PACSIN2: variants seen among roughly 807,000 people sequenced by gnomAD.
The protein encoded by PACSIN2 is protein kinase C and casein kinase substrate in neurons protein 2.
In PACSIN2, 25 loss-of-function variants were observed where a neutral mutation model predicts 63.8. That is an observed-to-expected ratio of 0.39 (90% CI 0.29 to 0.55). The LOEUF is 0.55. PACSIN2 is among the 20% of genes least tolerant of loss of function. The pLI is 0.62. For missense variants in PACSIN2, 518 were observed against 646.9 expected (o/e 0.80, Z 2.16); for synonymous variants, 255 against 256.2 (o/e 1.00, Z 0.05).
At chr22:42,952,089 A>G (rs1350204591) in intron 1 of PACSIN2, among the ~76,000 whole-genome samples, 1 of 152,112 alleles carries the variant, frequency 6.6e-6, no homozygotes, top group Non-Finnish European at 1.5e-5. Flanking sequence ...CTTAACACTC[A>G]ACCTCACCTG....
rs1478422057 is a variant in PACSIN2, at chr22:42,893,529, C to A, written c.145G>T (p.Ala49Ser). 1.9e-6 allele frequency: 3 copies of A among 1,614,000 alleles called. No homozygotes were observed. The highest frequency in any genetic ancestry group is 2.5e-6 in the Non-Finnish European group (3 of 1,180,048). ...SDLMNCLHER[A>S]RIEKAYAQQL... ...TGCGCATACGCCTTCTCGATGCGCG[C>A]CCGCTCATGCAGGCAGTTCATGAGG... Residue 49 changes from alanine (A) to serine (S), a missense_variant, in exon 3 of 11, where the codon GCG (alanine) becomes TCG (serine). Transcript: ENST00000263246.
At chr22:42,906,675 G>C (rs1430226226) in intron 2 of PACSIN2, among the ~76,000 whole-genome samples, 4 of 152,148 alleles carry the variant, frequency 2.6e-5, no homozygotes, top group Non-Finnish European at 5.9e-5. Flanking sequence ...TCCTGAAAAA[G>C]GTAGGTATAC....
intron 1 of PACSIN2, among the ~76,000 whole-genome samples, chr22:42,964,412 C>T (rs1050272649): frequency 8.6e-5 from 10 of 115,794 alleles, no homozygotes; most frequent in African/African-American, 3.5e-4. Flanking sequence ...AGCGAGACTC[C>T]GTCTGGAAAA....
chr22:42,910,999 G>A (rs1241991032), intron 2 of PACSIN2, among the ~76,000 whole-genome samples: 4 of 151,878 alleles, frequency 2.6e-5, no homozygotes, highest in African/African-American at 7.3e-5. Context: ...CCGCCTCCCG[G>A]GTTCATGCCA....
intron 1 of PACSIN2, among the ~76,000 whole-genome samples, chr22:42,952,151 C>T (rs1229554291): frequency 6.6e-6 from 1 of 152,124 alleles, no homozygotes; most frequent in African/African-American, 2.4e-5. Flanking sequence ...CCTTATGCAC[C>T]AGGATTTTGC....
At position 42,893,465 on chromosome 22, in the gene PACSIN2, A is replaced by T. The variant is rs761434727; in HGVS notation, c.209T>A (p.Val70Glu). 1 of 1,612,610 alleles carries T rather than the reference A, an allele frequency of 6.2e-7. No homozygotes were observed. ...TEWARRWRQL[V>E]EKGPQYGTVE... ...GTGCCGGGGCCCCATACCTTTCTCC[A>T]CGAGCTGCCTCCAGCGCCGGGCCCA... is the stretch of plus-strand genomic sequence containing the variant. The change falls in exon 3 of 11, where the codon GTG (valine) becomes GAG (glutamate). Residue 70 changes from valine (V) to glutamate (E), a missense_variant. By Grantham distance (121) the Val-to-Glu change is moderately radical. This residue lies in a region of PACSIN2 where 507 missense variants were observed against 612.3 expected (regional missense o/e 0.83). Coordinates refer to ENST00000263246, the MANE Select transcript of PACSIN2 (RefSeq NM_001184970.3).
At chr22:42,891,993 G>A (rs2146672524) in intron 3 of PACSIN2, among the ~76,000 whole-genome samples, 1 of 152,334 alleles carries the variant, frequency 6.6e-6, no homozygotes, top group Admixed American at 6.5e-5. Context: ...TGAGAACACT[G>A]TGGAATGAGG....
chr22:42,914,158 G>A lies in PACSIN2; in HGVS notation c.-77-2001C>T, dbSNP rs943655393. ...AGGGCTCTGCTCCATAATCATAGGGGCAGCGTGTCATCTGAACCACTAGGA... is the reference window on the plus strand; with the variant it reads ...AGGGCTCTGCTCCATAATCATAGGGACAGCGTGTCATCTGAACCACTAGGA... On this transcript the variant is annotated intron_variant, in intron 1 of 10. Coordinates refer to ENST00000263246, the MANE Select transcript of PACSIN2 (RefSeq NM_001184970.3). Among the ~76,000 whole-genome samples the A allele has an allele frequency of 3.9e-5, 6 of 152,364 alleles. 1 individual carries two copies. The highest frequency in any genetic ancestry group is 1.4e-4 in the African/African-American group (6 of 41,588).
chr22:42,930,628 A>G (rs1932763988), intron 1 of PACSIN2, among the ~76,000 whole-genome samples: 1 of 152,250 alleles, frequency 6.6e-6, no homozygotes, highest in East Asian at 1.9e-4. Flanking sequence ...GAAATAACAA[A>G]AGGCACGCTC....
At chr22:42,896,023 G>A (rs985654359) in intron 2 of PACSIN2, among the ~76,000 whole-genome samples, 6 of 151,590 alleles carry the variant, frequency 4.0e-5, no homozygotes, top group Non-Finnish European at 1.5e-5. Flanking sequence ...TCTCTAGGTC[G>A]AGATGGAATC....
intron 7 of PACSIN2, among the ~76,000 whole-genome samples, chr22:42,881,748 T>G (rs1329307486): frequency 6.6e-6 from 1 of 152,076 alleles, no homozygotes; most frequent in Non-Finnish European, 1.5e-5. Flanking sequence ...AGTCCTTTGT[T>G]GGAAGGGTAG....
chr22:42,955,402 A>G (rs573786689), intron 1 of PACSIN2, among the ~76,000 whole-genome samples: 1 of 152,348 alleles, frequency 6.6e-6, no homozygotes, highest in South Asian at 2.1e-4. Flanking sequence ...ATGGCTGGAA[A>G]TAAGCCCAGA....
At chr22:42,954,663 G>C (rs558088661) in intron 1 of PACSIN2, among the ~76,000 whole-genome samples, 1 of 152,318 alleles carries the variant, frequency 6.6e-6, no homozygotes, top group South Asian at 2.1e-4. Context: ...CACGTGGTTA[G>C]TGGCTACCAC....
intron 1 of PACSIN2, among the ~76,000 whole-genome samples, chr22:42,944,374 TA>T (rs1431433858): frequency 6.6e-6 from 1 of 152,226 alleles, no homozygotes; most frequent in Non-Finnish European, 1.5e-5. Flanking sequence ...CAACTTCCTT[TA>T]AAATATGGAA....
chr22:42,903,860 CACTG>C (rs1340281636), intron 2 of PACSIN2, among the ~76,000 whole-genome samples: 2 of 152,172 alleles, frequency 1.3e-5, no homozygotes, highest in African/African-American at 4.8e-5. Context: ...TTGCTCCCAA[CACTG>C]ACTGGCCGTA....
At chr22:42,876,041 A>G in intron 10 of PACSIN2, 96 bp downstream of exon 10, 1 of 1,050,776 alleles carries the variant, frequency 9.5e-7, no homozygotes, top group Non-Finnish European at 1.4e-6. Context: ...AAGTGAAACT[A>G]GCAAGAACTT....
rs1296839737 is a variant in PACSIN2, at chr22:42,995,085, C to T, written c.-78+19936G>A. Among the ~76,000 whole-genome samples, 4 of 152,258 alleles carry T rather than the reference C, an allele frequency of 2.6e-5. No individual in the cohort carries two copies. In the East Asian group the frequency reaches 7.7e-4, roughly 29 times the overall value. ...AGGGGACAATGTCCCCCCTCCCCGC[C>T]TCGGGGCTGCTCCGGGCCCCAACTG... On this transcript the variant is annotated intron_variant, in intron 1 of 10. Coordinates refer to ENST00000263246, the MANE Select transcript of PACSIN2 (RefSeq NM_001184970.3).
At chr22:42,894,718 G>GA (rs1930157502) in intron 2 of PACSIN2, among the ~76,000 whole-genome samples, 3 of 152,182 alleles carry the variant, frequency 2.0e-5, no homozygotes, top group Admixed American at 2.0e-4. Context: ...GGGTGAAAAC[G>GA]AAAATGTTCG....
rs372896477 is a variant in PACSIN2 at position 42,955,308 on chromosome 22, C to T, written c.-77-43151G>A. ...ATGAATGAATGAATGAACAAACAAA[C>T]GAACGAACGAACGAAAAAACAAATC... On this transcript the variant is annotated intron_variant, in intron 1 of 10. Coordinates refer to ENST00000263246, the MANE Select transcript of PACSIN2 (RefSeq NM_001184970.3). 1.1e-4 allele frequency among the ~76,000 whole-genome samples: 16 copies of T among 152,178 alleles called. No homozygotes were observed. In the East Asian group the frequency reaches 2.3e-3, roughly 22 times the overall value.
Sources: allele counts gnomAD v4.1 joint callset (sites outside exome capture counted in the v4.1 genomes callset), GRCh38; gene constraint gnomAD v4.1.1; regional missense constraint gnomAD v4.1.1; transcripts MANE v1.5; gene names NCBI Gene and HGNC (gene_info 2026-07-23, HGNC 2026-07-21).